Variants in ABHD3 observed in about 807,000 individuals in gnomAD.
ABHD3 encodes abhydrolase domain containing 3, phospholipase, also known as phospholipase ABHD3.
A neutral mutation model predicts 48.8 loss-of-function variants in ABHD3; 46 were observed. That is an observed-to-expected ratio of 0.94 (90% confidence interval 0.74 to 1.20). The LOEUF is 1.20. ABHD3 is among the 50% of genes most tolerant of loss of function. The probability of loss-of-function intolerance (pLI) is 0.00; values close to 1 mark genes in which losing one functional copy is unlikely to be tolerated. For missense variants in ABHD3, 490 were observed against 497.8 expected, an observed-to-expected ratio of 0.98 and a Z score of 0.15; for synonymous variants, 192 against 183.7, an observed-to-expected ratio of 1.04 and a Z score of -0.36.
intron 5 of ABHD3, 139 bp downstream of exon 5, chr18:21,663,979 C>A (rs558837403): frequency 2.8e-6 from 4 of 1,428,342 alleles, no homozygotes; most frequent in Non-Finnish European, 3.6e-6. Context: ...TTCAATCAAC[C>A]GCATTTAATA....
Position 21,702,295 on chromosome 18 carries a change from AAAG to A in ABHD3, c.509+18_509+20del, listed in dbSNP as rs747276750. On this transcript the variant is annotated intron_variant, in intron 3 of 8. Coordinates refer to ENST00000289119, the MANE Select transcript of ABHD3 (RefSeq NM_138340.5). ...CATTTGGAATGGATCAAGTGAAAAA[AAAG>A]AAATCTTTTACTGGTACCTGTATCC... 6.5e-7 allele frequency: 1 copy of A among 1,543,610 alleles called. No homozygotes were observed. Among genetic ancestry groups the A allele is most frequent in the Non-Finnish European group, 8.8e-7 (1 of 1,140,698 alleles).
chr18:21,678,233 G>T (rs759240958), intron 4 of ABHD3, among the ~76,000 whole-genome samples: 1 of 152,218 alleles, frequency 6.6e-6, no homozygotes, highest in South Asian at 2.1e-4. Context: ...GGGATTACAG[G>T]TATGAGCTAC....
At chr18:21,702,121 C>T (rs992601118) in intron 3 of ABHD3, 195 bp downstream of exon 3, 2 of 505,120 alleles carry the variant, frequency 4.0e-6, no homozygotes, top group Non-Finnish European at 6.9e-6. Context: ...TGCTAAGTGA[C>T]ATTTCTTGTG....
intron 8 of ABHD3, among the ~76,000 whole-genome samples, chr18:21,656,543 TAAC>T (rs1283692457): frequency 1.3e-5 from 2 of 152,188 alleles, no homozygotes; most frequent in East Asian, 3.9e-4. Context: ...AGGCAAGTGA[TAAC>T]AATATTCTCC....
chr18:21,682,497 A>G (rs2040026336), intron 4 of ABHD3: 2 of 152,158 alleles, frequency 1.3e-5, no homozygotes, highest in Non-Finnish European at 2.9e-5. Flanking sequence ...AACACTTAGC[A>G]CTGTGTATAT....
chr18:21,664,372 T>C (rs546285547), intron 4 of ABHD3, 142 bp from the exon 5 acceptor site: 2 of 763,760 alleles, frequency 2.6e-6, no homozygotes, highest in South Asian at 4.3e-5. Context: ...TAATAATTTA[T>C]CATTTTCCTG....
rs140723099 is a variant in ABHD3, at chr18:21,704,644, G to A, written c.22C>T (p.Leu8=). ...GAGAGCTCCCGGGACAACATCCGCAGGTCCATGGCCAGGCGCTGCATGGCC... is the reference window on the plus strand; with the variant it reads ...GAGAGCTCCCGGGACAACATCCGCAAGTCCATGGCCAGGCGCTGCATGGCC... The part of the protein sequence containing the change: MQRLAMD[L]RMLSRELSLY... Residue 8 remains leucine, a synonymous_variant, in exon 1 of 9, where the codon CTG becomes TTG. Transcript: ENST00000289119. 7,525 of 1,541,176 alleles carry A rather than the reference G, an allele frequency of 4.9e-3. 25 individuals are homozygous for A. Among genetic ancestry groups the A allele is most frequent in the Non-Finnish European group, 6.1e-3 (6,988 of 1,146,508 alleles).
chr18:21,656,396 A>C (rs1428672297), intron 8 of ABHD3, among the ~76,000 whole-genome samples: 1 of 152,174 alleles, frequency 6.6e-6, no homozygotes, highest in East Asian at 1.9e-4. Context: ...TTCTCTTTAA[A>C]TATGACCTTC....
intron 2 of ABHD3, 27 bp from the exon 3 acceptor site, chr18:21,702,525 A>C (rs2040535528): frequency 6.6e-7 from 1 of 1,509,142 alleles, no homozygotes; most frequent in African/African-American, 1.4e-5. Flanking sequence ...AGAAGACATT[A>C]CTATTTACAT....
At chr18:21,661,476 C>T (rs2039493980) in intron 5 of ABHD3, among the ~76,000 whole-genome samples, 1 of 151,938 alleles carries the variant, frequency 6.6e-6, no homozygotes, top group African/African-American at 2.4e-5. Context: ...ACTAAAAATA[C>T]AAATATTAGC....
chr18:21,663,901 TCA>T, intron 5 of ABHD3: 2 of 1,442,128 alleles, frequency 1.4e-6, no homozygotes, highest in African/African-American at 1.4e-5. Flanking sequence ...AAATCCGCAG[TCA>T]CAGAGACCCG....
chr18:21,664,629 T>A (rs1410574114), intron 4 of ABHD3: 1 of 157,498 alleles, frequency 6.3e-6, no homozygotes, highest in Non-Finnish European at 1.4e-5. Flanking sequence ...AAAATAACCT[T>A]TTTTTTTGTT....
chr18:21,682,742 C>A (rs570810247), intron 4 of ABHD3, among the ~76,000 whole-genome samples: 15 of 152,314 alleles, frequency 9.8e-5, no homozygotes, highest in East Asian at 1.9e-4. Context: ...TGTCTTCCCC[C>A]CCGGCTTTGT....
At chr18:21,666,598 G>A (rs2039636907) in intron 4 of ABHD3, among the ~76,000 whole-genome samples, 2 of 152,078 alleles carry the variant, frequency 1.3e-5, no homozygotes, top group South Asian at 4.1e-4. Flanking sequence ...CCACAGTGCT[G>A]GGATTACAGG....
intron 3 of ABHD3, 96 bp from the exon 4 acceptor site, chr18:21,684,061 T>C: frequency 9.5e-7 from 1 of 1,057,292 alleles, no homozygotes; most frequent in African/African-American, 1.6e-5. Context: ...TTTAGAGCAC[T>C]AAAAGATTTT....
At chr18:21,680,617 G>A (rs545028523) in intron 4 of ABHD3, among the ~76,000 whole-genome samples, 4 of 152,232 alleles carry the variant, frequency 2.6e-5, no homozygotes, top group African/African-American at 9.6e-5. Context: ...GACACACTGT[G>A]TAAGACTCCA....
intron 6 of ABHD3, 85 bp downstream of exon 6, chr18:21,659,085 C>G (rs568194872): frequency 2.6e-4 from 350 of 1,369,136 alleles, no homozygotes; most frequent in Admixed American, 4.2e-4. Context: ...GTGATCCCCC[C>G]GCCTCAGCCT....
At chr18:21,654,742 G>T (rs192310086) in intron 8 of ABHD3, 1 of 152,282 alleles carries the variant, frequency 6.6e-6, no homozygotes, top group East Asian at 1.9e-4. Context: ...AGAACAAAAG[G>T]CTGGGCCACA....
At chr18:21,653,222 C>A (rs1262397210) in intron 8 of ABHD3, among the ~76,000 whole-genome samples, 1 of 144,962 alleles carries the variant, frequency 6.9e-6, no homozygotes, top group East Asian at 2.1e-4. Context: ...AATAGCCAGG[C>A]ATGGTGGTGC....
Sources: allele counts gnomAD v4.1 joint callset (sites outside exome capture counted in the v4.1 genomes callset), GRCh38; gene constraint gnomAD v4.1.1; transcripts MANE v1.5; gene names NCBI Gene and HGNC (gene_info 2026-07-23, HGNC 2026-07-21).